The following GPR137B variants were observed in gnomAD, a reference collection of about 807,000 sequenced individuals.
GPR137B encodes G protein-coupled receptor 137B.
A neutral mutation model predicts 42.5 loss-of-function variants in GPR137B; 42 were observed. That is an observed-to-expected ratio of 0.99 (90% CI 0.77 to 1.28). The LOEUF (loss-of-function observed/expected upper bound fraction) is 1.28, where lower values mean the gene tolerates loss of function less well. GPR137B is among the 50% of genes most tolerant of loss of function. The pLI is 0.00. For synonymous variants in GPR137B, 218 were observed against 209.7 expected, an observed-to-expected ratio of 1.04 and a Z score of -0.34; for missense variants, 487 against 493.9, an observed-to-expected ratio of 0.99 and a Z score of 0.13.
intron 2 of GPR137B, among the ~76,000 whole-genome samples, chr1:236,174,220 A>G (rs149419352): frequency 2.0e-5 from 3 of 152,348 alleles, no homozygotes; most frequent in African/African-American, 7.2e-5. Flanking sequence ...TCCTAAGATA[A>G]TAACAGGCTT....
chr1:236,202,048 G>C (rs931907740), intron 5 of GPR137B, among the ~76,000 whole-genome samples: 3 of 151,964 alleles, frequency 2.0e-5, no homozygotes, highest in Non-Finnish European at 4.4e-5. Context: ...AGGGCTACCG[G>C]GCTTTGGACT....
chr1:236,165,852 T>C (rs1029251393), intron 1 of GPR137B, among the ~76,000 whole-genome samples: 1 of 152,252 alleles, frequency 6.6e-6, no homozygotes, highest in African/African-American at 2.4e-5. Flanking sequence ...TAATATTTCT[T>C]ACCAATTTCC....
At chr1:236,176,918 G>T (rs946931288) in intron 2 of GPR137B, among the ~76,000 whole-genome samples, 14 of 152,128 alleles carry the variant, frequency 9.2e-5, no homozygotes, top group African/African-American at 3.4e-4. Flanking sequence ...TGATAAGTCT[G>T]TGAAGTTAAA....
intron 5 of GPR137B, among the ~76,000 whole-genome samples, chr1:236,203,358 T>A (rs1663555347): frequency 6.6e-6 from 1 of 152,200 alleles, no homozygotes; most frequent in Non-Finnish European, 1.5e-5. Context: ...ATTACAGGTG[T>A]GAGCCACCAT....
At chr1:236,180,293 T>C (rs541224446) in intron 4 of GPR137B, 10 of 336,530 alleles carry the variant, frequency 3.0e-5, no homozygotes, top group African/African-American at 1.7e-4. Context: ...TTAATTGTTA[T>C]TAGTATTTTT....
intron 1 of GPR137B, among the ~76,000 whole-genome samples, chr1:236,149,768 C>T (rs995282390): frequency 1.3e-5 from 2 of 152,270 alleles, no homozygotes; most frequent in Non-Finnish European, 2.9e-5. Flanking sequence ...CCCATGGCCT[C>T]AGCCCCTGGC....
chr1:236,188,027 C>T (rs1164138970), intron 5 of GPR137B, among the ~76,000 whole-genome samples: 1 of 152,130 alleles, frequency 6.6e-6, no homozygotes, highest in African/African-American at 2.4e-5. Context: ...TTGTAGTTCT[C>T]CTTGGAGAGG....
intron 6 of GPR137B, among the ~76,000 whole-genome samples, chr1:236,206,572 A>T (rs1572014521): frequency 6.6e-6 from 1 of 152,354 alleles, no homozygotes; most frequent in East Asian, 1.9e-4. Context: ...ATGAACTACC[A>T]GTCCGCTGCC....
intron 5 of GPR137B, among the ~76,000 whole-genome samples, chr1:236,186,807 T>G (rs904173161): frequency 3.3e-5 from 5 of 152,108 alleles, no homozygotes; most frequent in South Asian, 4.1e-4. Context: ...TACGTGTGCA[T>G]GTACATGTGC....
intron 1 of GPR137B, among the ~76,000 whole-genome samples, chr1:236,161,632 G>A (rs1662201049): frequency 6.6e-6 from 1 of 152,138 alleles, no homozygotes; most frequent in Non-Finnish European, 1.5e-5. Flanking sequence ...GTTGTGGGAG[G>A]GACCCACAGG....
At chr1:236,163,544 T>C (rs1322141901) in intron 1 of GPR137B, among the ~76,000 whole-genome samples, 1 of 152,194 alleles carries the variant, frequency 6.6e-6, no homozygotes, top group Non-Finnish European at 1.5e-5. Flanking sequence ...CCATGTGTTG[T>C]GGGAGGGACC....
chr1:236,194,892 G>A (rs1218274627), intron 5 of GPR137B, among the ~76,000 whole-genome samples: 2 of 152,186 alleles, frequency 1.3e-5, no homozygotes, highest in Non-Finnish European at 1.5e-5. Context: ...TTTCACCATT[G>A]TTATGACTGC....
intron 4 of GPR137B, among the ~76,000 whole-genome samples, chr1:236,181,063 ATCC>A (rs1410413510): frequency 1.3e-5 from 2 of 151,936 alleles, no homozygotes; most frequent in Non-Finnish European, 2.9e-5. Flanking sequence ...TTTTTTTGTC[ATCC>A]TCAGGGAGTG....
chr1:236,205,592 G>A (rs1327831200), intron 6 of GPR137B, among the ~76,000 whole-genome samples: 3 of 152,236 alleles, frequency 2.0e-5, no homozygotes, highest in Non-Finnish European at 4.4e-5. Flanking sequence ...CGGCTGGAGT[G>A]CAGAGTGGTG....
chr1:236,157,532 C>T (rs895571194), intron 1 of GPR137B, among the ~76,000 whole-genome samples: 1 of 152,116 alleles, frequency 6.6e-6, no homozygotes, highest in African/African-American at 2.4e-5. Context: ...CGATTCCACA[C>T]ACTTAGCCAT....
At position 236,181,263 on chromosome 1, in the gene GPR137B, T is replaced by C. The variant is rs140837157; in HGVS notation, c.837+1235T>C. ...AATGAACAAAGGTAGTGAAATGTCA[T>C]CTGCCATCCATGCTCACAAAAACTC... On this transcript the variant is annotated intron_variant, in intron 4 of 6. Coordinates refer to ENST00000366592, the MANE Select transcript of GPR137B (RefSeq NM_003272.4). Among the ~76,000 whole-genome samples the C allele has an allele frequency of 2.1e-4, 32 of 152,292 alleles. No homozygotes were observed. In the East Asian group the frequency reaches 6.0e-3, roughly 28 times the overall value.
At chr1:236,201,014 T>C (rs1046309493) in intron 5 of GPR137B, among the ~76,000 whole-genome samples, 1 of 152,034 alleles carries the variant, frequency 6.6e-6, no homozygotes, top group Non-Finnish European at 1.5e-5. Flanking sequence ...GCATTTCTTG[T>C]AGTGCTGGCT....
intron 1 of GPR137B, among the ~76,000 whole-genome samples, chr1:236,162,231 G>A (rs1662223339): frequency 1.3e-5 from 2 of 152,158 alleles, no homozygotes; most frequent in South Asian, 2.1e-4. Context: ...CTAGAGATTT[G>A]TGGAACACTG....
In GPR137B at chr1:236,156,956, T is replaced by G. The variant is rs1245155644; in HGVS notation, c.415-11750T>G. 6.6e-6 allele frequency among the ~76,000 whole-genome samples: 1 copy of G among 152,168 alleles called. No homozygotes were observed. Among genetic ancestry groups the G allele is most frequent in the Admixed American group, 6.5e-5 (1 of 15,276 alleles). On this transcript the variant is annotated intron_variant, in intron 1 of 6. Transcript: ENST00000366592. This position sits in a 1 kb window ranked among gnomAD's most constrained non-coding sequence, Gnocchi z 4.8. ...TAGCTGTGCGTTTAGAATCATGGTT[T>G]GCGAACATAGATGAGGACTAATAAT...
Sources: gnomAD v4.1 joint callset for allele counts (sites outside exome capture counted in the v4.1 genomes callset) on GRCh38, gnomAD v4.1.1 for gene constraint, Gnocchi (gnomAD v3.1) non-coding constraint, MANE v1.5 for transcripts, NCBI Gene and HGNC (gene_info 2026-07-23, HGNC 2026-07-21) for gene names.